The following PARD3B variants were observed in gnomAD, a reference collection of about 807,000 sequenced individuals.
The protein encoded by PARD3B is par-3 family cell polarity regulator beta, also known as partitioning defective 3 homolog B.
PARD3B carries 103 observed loss-of-function variants against 130.2 expected under a neutral mutation model. The ratio of observed to expected loss-of-function variants is 0.79; its 90% confidence interval spans 0.67 to 0.93. The LOEUF is 0.93. Among genes scored for constraint, PARD3B ranks in the 40% least tolerant of loss-of-function variants. The probability of loss-of-function intolerance (pLI) is 0.00; values close to 1 mark genes in which losing one functional copy is unlikely to be tolerated. For missense variants in PARD3B, 1,609 were observed against 1,499.2 expected, an observed-to-expected ratio of 1.07 and a Z score of -1.21; for synonymous variants, 583 against 553.2, an observed-to-expected ratio of 1.05 and a Z score of -0.76.
In PARD3B at chr2:205,472,642, A is replaced by G. The variant is rs567547370; in HGVS notation, c.3045-27254A>G. ...CTTCTTTATTCTTAAAACTCACTTT[A>G]TGCTCAATTCCCAGAAACAGAAGCC... On this transcript the variant is annotated intron_variant, in intron 20 of 22. Transcript: ENST00000406610. 1.4e-4 allele frequency among the ~76,000 whole-genome samples: 22 copies of G among 152,332 alleles called. No homozygotes were observed. The South Asian group carries it at 1.7e-3, about 11-fold the overall frequency.
rs1276739452 is a variant in PARD3B, at chr2:204,765,233, G to C, written c.222+78951G>C. 2.0e-5 allele frequency among the ~76,000 whole-genome samples: 3 copies of C among 152,196 alleles called. No individual in the cohort carries two copies. In the East Asian group the frequency reaches 5.8e-4, roughly 29 times the overall value. On this transcript the variant is annotated intron_variant, in intron 2 of 22. Coordinates refer to ENST00000406610, the MANE Select transcript of PARD3B (RefSeq NM_001302769.2). ...TGCCAGACCAGCATCAGTATCACCT[G>C]AGAGGTTGTTTGAAAAATATTTAGC...
chr2:205,367,188 T>C (rs1473008603), intron 18 of PARD3B, among the ~76,000 whole-genome samples: 2 of 152,232 alleles, frequency 1.3e-5, no homozygotes, highest in Admixed American at 1.3e-4. Context: ...AAATGATTTG[T>C]AAATTAATCA....
intron 18 of PARD3B, among the ~76,000 whole-genome samples, chr2:205,372,528 A>G (rs1459171356): frequency 1.3e-5 from 2 of 152,232 alleles, no homozygotes; most frequent in Non-Finnish European, 2.9e-5. Flanking sequence ...CTGTTTTCAA[A>G]TATGAATAAA....
intron 2 of PARD3B, among the ~76,000 whole-genome samples, chr2:204,803,777 A>G (rs1373699334): frequency 6.6e-6 from 1 of 152,218 alleles, no homozygotes; most frequent in Non-Finnish European, 1.5e-5. Flanking sequence ...AAACGAAGAC[A>G]GGAAGGAAAG....
At position 205,493,481 on chromosome 2, in the gene PARD3B, T is replaced by C. The variant is rs543250352; in HGVS notation, c.3045-6415T>C. ...GAGTATACAAAAATTAACACCATAC[T>C]TACATAATTAACAATCTTAAAGGAA... On this transcript the variant is annotated intron_variant, in intron 20 of 22. Coordinates refer to ENST00000406610, the MANE Select transcript of PARD3B (RefSeq NM_001302769.2). 7.2e-5 allele frequency among the ~76,000 whole-genome samples: 11 copies of C among 152,172 alleles called. No individual in the cohort carries two copies. The East Asian group carries it at 1.9e-3, about 27-fold the overall frequency.
intron 3 of PARD3B, among the ~76,000 whole-genome samples, chr2:204,987,404 G>C (rs1693256040): frequency 6.6e-6 from 1 of 152,138 alleles, no homozygotes; most frequent in African/African-American, 2.4e-5. Context: ...CTTTCATGAA[G>C]AATATTTCTT....
chr2:205,124,210 A>C, intron 8 of PARD3B, 117 bp from the exon 9 acceptor site: 1 of 860,818 alleles, frequency 1.2e-6, no homozygotes, highest in Non-Finnish European at 1.6e-6. Flanking sequence ...ATGTCCCAGA[A>C]TGTAAATATT....
intron 21 of PARD3B, among the ~76,000 whole-genome samples, chr2:205,535,487 C>T (rs961008515): frequency 6.6e-6 from 1 of 152,200 alleles, no homozygotes; most frequent in Non-Finnish European, 1.5e-5. Flanking sequence ...TTGTAATCTG[C>T]ATGTGAATAT....
At chr2:204,731,652 C>A (rs761711658) in intron 2 of PARD3B, among the ~76,000 whole-genome samples, 2 of 152,032 alleles carry the variant, frequency 1.3e-5, no homozygotes, top group African/African-American at 2.4e-5. Flanking sequence ...AGAATCACAC[C>A]TGAATTGACT....
At position 205,091,402 on chromosome 2, in the gene PARD3B, G is replaced by A. The variant is rs754626957; in HGVS notation, c.505-13024G>A. On this transcript the variant is annotated intron_variant, in intron 4 of 22. Coordinates refer to ENST00000406610, the MANE Select transcript of PARD3B (RefSeq NM_001302769.2). The surrounding 1 kb of genome is among the most constrained non-coding windows in gnomAD (Gnocchi z 4.2). ...CTCCAGAAAAGATCGCAGCATTGGCGACCTCTCACTTTTCTGCACCTTCTC... is the reference window on the plus strand; with the variant it reads ...CTCCAGAAAAGATCGCAGCATTGGCAACCTCTCACTTTTCTGCACCTTCTC... Among the ~76,000 whole-genome samples the A allele has an allele frequency of 8.6e-5, 13 of 151,978 alleles. No homozygotes were observed. Among genetic ancestry groups the A allele is most frequent in the Non-Finnish European group, 1.3e-4 (9 of 68,000 alleles).
In PARD3B at chr2:204,558,828, C is replaced by T. The variant is rs113699149; in HGVS notation, c.120+12709C>T. 9.1e-3 allele frequency among the ~76,000 whole-genome samples: 1,377 copies of T among 152,074 alleles called. 13 individuals carry two copies. The highest frequency in any genetic ancestry group is 0.031 in the African/African-American group (1,282 of 41,484). On this transcript the variant is annotated intron_variant, in intron 1 of 22. Transcript: ENST00000406610. ...TACAGTAACCAAAACAGTATGGTACCGGTACCAAAACAGAGATATAGACCA... is the reference window on the plus strand; with the variant it reads ...TACAGTAACCAAAACAGTATGGTACTGGTACCAAAACAGAGATATAGACCA...
chr2:205,569,173 CTT>C (rs35631253), intron 22 of PARD3B, among the ~76,000 whole-genome samples: 3 of 147,328 alleles, frequency 2.0e-5, no homozygotes, highest in South Asian at 2.1e-4. Flanking sequence ...TATTAGAATC[CTT>C]TTTTTTTTTA....
intron 13 of PARD3B, among the ~76,000 whole-genome samples, chr2:205,181,779 A>G (rs1207361468): frequency 2.0e-5 from 3 of 152,256 alleles, no homozygotes; most frequent in Non-Finnish European, 4.4e-5. Context: ...CCATCAATGA[A>G]GTAATGACTA....
chr2:204,640,061 C>T (rs922087959), intron 1 of PARD3B, among the ~76,000 whole-genome samples: 1 of 152,024 alleles, frequency 6.6e-6, no homozygotes, highest in African/African-American at 2.4e-5. Context: ...CGAGACCAGC[C>T]TGGGCAACAT....
chr2:205,218,587 AATAG>A (rs1188274255), intron 15 of PARD3B, among the ~76,000 whole-genome samples: 2 of 152,184 alleles, frequency 1.3e-5, no homozygotes, highest in Non-Finnish European at 2.9e-5. Context: ...AATAATTGTA[AATAG>A]ATTTTGTAAA....
chr2:205,146,567 C>T lies in PARD3B; in HGVS notation c.1435-12155C>T, dbSNP rs1323519209. Among the ~76,000 whole-genome samples, 2 of 151,638 alleles carry T rather than the reference C, an allele frequency of 1.3e-5. No homozygotes were observed. Among genetic ancestry groups the T allele is most frequent in the African/African-American group, 2.4e-5 (1 of 41,310 alleles). On this transcript the variant is annotated intron_variant, in intron 10 of 22. Coordinates refer to ENST00000406610, the MANE Select transcript of PARD3B (RefSeq NM_001302769.2). The surrounding 1 kb of genome is among the most constrained non-coding windows in gnomAD (Gnocchi z 4.3). ...TCGGGAGGCTGAGGCAGGAGAATGG[C>T]GTGAACCCGGGAGGCGGAGCTTGCA...
intron 1 of PARD3B, among the ~76,000 whole-genome samples, chr2:204,665,353 A>G (rs1020023616): frequency 2.0e-5 from 3 of 152,110 alleles, no homozygotes; most frequent in Admixed American, 6.6e-5. Context: ...GCTCTGCCAG[A>G]GGAACAAGGA....
At chr2:204,913,483 C>G (rs1161731507) in intron 2 of PARD3B, among the ~76,000 whole-genome samples, 1 of 152,182 alleles carries the variant, frequency 6.6e-6, no homozygotes, top group Non-Finnish European at 1.5e-5. Context: ...ACCGCTAGCA[C>G]TACAGGAAAC....
chr2:205,523,612 T>TATCA, intron 21 of PARD3B, among the ~76,000 whole-genome samples: 1 of 152,250 alleles, frequency 6.6e-6, no homozygotes, highest in South Asian at 2.1e-4. Context: ...GTGACTGTGT[T>TATCA]ATCAAAACTT....
Sources: gnomAD v4.1 joint callset for allele counts (sites outside exome capture counted in the v4.1 genomes callset) on GRCh38, gnomAD v4.1.1 for gene constraint, Gnocchi (gnomAD v3.1) non-coding constraint, MANE v1.5 for transcripts, NCBI Gene and HGNC (gene_info 2026-07-23, HGNC 2026-07-21) for gene names.